The following SGF29 variants were observed in gnomAD, a reference collection of about 807,000 sequenced individuals.
SGF29 encodes SAGA complex associated factor 29, also known as SAGA-associated factor 29.
In SGF29, 15 loss-of-function variants were observed where a neutral mutation model predicts 38.1. The ratio of observed to expected loss-of-function variants is 0.39; its 90% CI spans 0.26 to 0.61. The LOEUF is 0.61. Ranked by LOEUF, SGF29 falls within the 20% of genes least tolerant of loss-of-function variation. The probability of loss-of-function intolerance (pLI) is 0.49; values close to 1 mark genes in which losing one functional copy is unlikely to be tolerated. For synonymous variants in SGF29, 151 were observed against 160.8 expected (o/e 0.94, Z 0.46); for missense variants, 184 against 394.6 (o/e 0.47, Z 4.52).
intron 1 of SGF29, among the ~76,000 whole-genome samples, chr16:28,564,728 C>CCT: frequency 1.4e-5 from 1 of 70,226 alleles, no homozygotes; most frequent in Admixed American, 2.0e-4. Flanking sequence ...TATATATATA[C>CCT]ATATATATGT....
At chr16:28,579,226 T>C (rs2046911741) in intron 1 of SGF29, among the ~76,000 whole-genome samples, 1 of 152,082 alleles carries the variant, frequency 6.6e-6, no homozygotes, top group African/African-American at 2.4e-5. Context: ...TTGATTACTT[T>C]TGGTTGTCTT....
At chr16:28,591,456 C>T (rs2046990263) in intron 9 of SGF29, 134 bp from the exon 10 acceptor site, 2 of 708,072 alleles carry the variant, frequency 2.8e-6, no homozygotes, top group Non-Finnish European at 5.1e-6. Context: ...GACTTCTTGA[C>T]CCCAGAGTGA....
intron 1 of SGF29, among the ~76,000 whole-genome samples, chr16:28,579,311 G>T (rs1471646408): frequency 7.0e-6 from 1 of 143,706 alleles, no homozygotes; most frequent in Non-Finnish European, 1.5e-5. Context: ...AGGCTGGAGT[G>T]CAGTGGCGTG....
chr16:28,568,055 G>C (rs1252515826), intron 1 of SGF29, among the ~76,000 whole-genome samples: 1 of 152,026 alleles, frequency 6.6e-6, no homozygotes, highest in Non-Finnish European at 1.5e-5. Flanking sequence ...ACTCACGCCT[G>C]TAACCCCAGC....
rs1159098161 is a variant in SGF29, at chr16:28,568,739, C to G, written c.-15-12316C>G. On this transcript the variant is annotated intron_variant, in intron 1 of 9. Coordinates refer to ENST00000317058, the MANE Select transcript of SGF29 (RefSeq NM_138414.3). ...ACCATCCTGGCCAACATGGTGAAAC[C>G]CTGTCTGTACTAAAAATACAAAAAT... is the stretch of plus-strand genomic sequence containing the variant. Among the ~76,000 whole-genome samples the G allele has an allele frequency of 2.6e-5, 4 of 151,988 alleles. No homozygotes were observed. In the East Asian group the frequency reaches 7.7e-4, roughly 29 times the overall value.
At chr16:28,579,040 G>A (rs1318218510) in intron 1 of SGF29, among the ~76,000 whole-genome samples, 1 of 152,002 alleles carries the variant, frequency 6.6e-6, no homozygotes, top group Non-Finnish European at 1.5e-5. Context: ...TCCTACCTTC[G>A]CCTCCCAAAG....
intron 1 of SGF29, among the ~76,000 whole-genome samples, chr16:28,572,813 G>A (rs2046872567): frequency 6.6e-6 from 1 of 152,038 alleles, no homozygotes; most frequent in African/African-American, 2.4e-5. Context: ...CAGTGCTAGA[G>A]CCTGTCTCTC....
intron 2 of SGF29, 39 bp downstream of exon 2, chr16:28,581,183 G>A (rs2046923658): frequency 6.3e-7 from 1 of 1,583,780 alleles, no homozygotes; most frequent in Admixed American, 1.7e-5. Context: ...ATGGGAACAT[G>A]GGCTTTGATG....
Position 28,566,511 on chromosome 16 carries a change from G to T in SGF29, c.-16+12414G>T, listed in dbSNP as rs1369196325. Among the ~76,000 whole-genome samples, 3 of 151,970 alleles carry T rather than the reference G, an allele frequency of 2.0e-5. No homozygotes were observed. The East Asian group carries it at 5.9e-4, about 30-fold the overall frequency. ...TGGAGATAAGAAATTATGTGGGGCT[G>T]GGCGTGGCGGCTCACATCTGTAATC... On this transcript the variant is annotated intron_variant, in intron 1 of 9. Transcript: ENST00000317058.
At chr16:28,587,398 A>T (rs2046961361) in intron 4 of SGF29, among the ~76,000 whole-genome samples, 1 of 152,062 alleles carries the variant, frequency 6.6e-6, no homozygotes, top group African/African-American at 2.4e-5. Flanking sequence ...CAGTGATGAG[A>T]CTCTCAGAGT....
chr16:28,579,390 T>TG (rs2046913092), intron 1 of SGF29, among the ~76,000 whole-genome samples: 1 of 151,116 alleles, frequency 6.6e-6, no homozygotes, highest in Non-Finnish European at 1.5e-5. Context: ...CCTGAGTAGC[T>TG]GGGACTACAG....
At chr16:28,562,183 C>T (rs2046794476) in intron 1 of SGF29, among the ~76,000 whole-genome samples, 1 of 152,178 alleles carries the variant, frequency 6.6e-6, no homozygotes, top group Non-Finnish European at 1.5e-5. Context: ...ACAGCAGACC[C>T]CTGGCCTCCA....
chr16:28,564,558 T>TACAC lies in SGF29; in HGVS notation c.-16+10462_-16+10463insCACA, dbSNP rs1307423735. Among the ~76,000 whole-genome samples the TACAC allele has an allele frequency of 1.5e-5, 2 of 134,564 alleles. 1 individual carries two copies. Among genetic ancestry groups the TACAC allele is most frequent in the South Asian group, 4.5e-4 (2 of 4,464 alleles). The allele number at this position is 134,564 out of a possible 152,430, so 88.3% of individuals were successfully genotyped here. On this transcript the variant is annotated intron_variant, in intron 1 of 9. Transcript: ENST00000317058. ...ATATATGTATATATATACGTATATA[T>TACAC]ATATATACGTATATATATACACGTA...
chr16:28,575,400 G>T (rs1477707410), intron 1 of SGF29, among the ~76,000 whole-genome samples: 1 of 152,218 alleles, frequency 6.6e-6, no homozygotes, highest in Non-Finnish European at 1.5e-5. Flanking sequence ...AAGACAACTG[G>T]CTGGACACGG....
rs190566752 is a variant in SGF29 at position 28,576,805 on chromosome 16, C to T, written c.-15-4250C>T. On this transcript the variant is annotated intron_variant, in intron 1 of 9. Transcript: ENST00000317058. ...AAAATAGACGTAACCCAATGTCCAT[C>T]AGTTCATGAACTGACATGTAAAATA... Among the ~76,000 whole-genome samples the T allele has an allele frequency of 4.1e-3, 630 of 152,290 alleles. 5 individuals carry two copies. The highest frequency in any genetic ancestry group is 6.3e-3 in the Non-Finnish European group (430 of 68,036).
At chr16:28,564,641 A>G (rs566803286) in intron 1 of SGF29, among the ~76,000 whole-genome samples, 2 of 112,938 alleles carry the variant, frequency 1.8e-5, no homozygotes, top group South Asian at 2.4e-4. Flanking sequence ...ATACGTATAT[A>G]TGTGTATATA....
At chr16:28,554,590 G>A (rs1412725726) in intron 1 of SGF29, among the ~76,000 whole-genome samples, 2 of 152,174 alleles carry the variant, frequency 1.3e-5, no homozygotes, top group Admixed American at 1.3e-4. Context: ...GAGTATAGGC[G>A]TGAGCCCCCG....
At chr16:28,559,358 G>A (rs772927035) in intron 1 of SGF29, among the ~76,000 whole-genome samples, 7 of 149,954 alleles carry the variant, frequency 4.7e-5, no homozygotes, top group Non-Finnish European at 3.0e-5. Flanking sequence ...TGTATGGCAT[G>A]CGAATTATCT....
At chr16:28,565,001 C>T (rs2046828089) in intron 1 of SGF29, among the ~76,000 whole-genome samples, 1 of 151,652 alleles carries the variant, frequency 6.6e-6, no homozygotes, top group Non-Finnish European at 1.5e-5. Context: ...GGCCTGAGAG[C>T]CCCTGAGAGG....
Sources: gnomAD v4.1 joint callset for allele counts (sites outside exome capture counted in the v4.1 genomes callset) on GRCh38, gnomAD v4.1.1 for gene constraint, MANE v1.5 for transcripts, NCBI Gene and HGNC (gene_info 2026-07-23, HGNC 2026-07-21) for gene names.